Variants in MDGA2 observed in about 807,000 individuals in gnomAD.
The protein encoded by MDGA2 is MAM domain-containing glycosylphosphatidylinositol anchor protein 2.
Under a neutral mutation model 117.8 loss-of-function variants are expected in MDGA2, and 40 were observed. The observed-to-expected ratio is 0.34, with a 90% CI of 0.26 to 0.44. MDGA2 has a LOEUF of 0.44. Ranked by LOEUF, MDGA2 falls within the 20% of genes least tolerant of loss-of-function variation. The probability of loss-of-function intolerance (pLI) is 1.00; values close to 1 mark genes in which losing one functional copy is unlikely to be tolerated. For missense variants in MDGA2, 1,123 were observed against 1,250.6 expected (o/e 0.90, Z 1.54); for synonymous variants, 452 against 439.0 (o/e 1.03, Z -0.37).
At chr14:46,922,566 C>A (rs553969493) in intron 9 of MDGA2, among the ~76,000 whole-genome samples, 152 of 152,250 alleles carry the variant, frequency 1.0e-3, no homozygotes, top group African/African-American at 3.4e-3. Flanking sequence ...AGAATAAGGT[C>A]TTTCCAAATA....
At position 46,948,930 on chromosome 14, in the gene MDGA2, T is replaced by C. The variant is rs558218354; in HGVS notation, c.2089+8444A>G. On this transcript the variant is annotated intron_variant, in intron 9 of 16. Coordinates refer to ENST00000399232, the MANE Select transcript of MDGA2 (RefSeq NM_001113498.3). Reference sequence around the variant, plus strand: ...TCTCTGACATCAGTCATCCTCTCCATCTCTGCCTTTTTGGAGGGGCATTTT... The same window carrying C: ...TCTCTGACATCAGTCATCCTCTCCACCTCTGCCTTTTTGGAGGGGCATTTT... 5.9e-5 allele frequency among the ~76,000 whole-genome samples: 9 copies of C among 152,172 alleles called. No individual in the cohort carries two copies. The South Asian group carries it at 1.9e-3, about 32-fold the overall frequency.
At chr14:47,172,274 C>T (rs1034213920) in intron 3 of MDGA2, among the ~76,000 whole-genome samples, 5 of 152,094 alleles carry the variant, frequency 3.3e-5, no homozygotes, top group South Asian at 2.1e-4. Context: ...TGTCCCTGTC[C>T]GACAGCTTTG....
At chr14:47,290,831 T>C (rs925898768) in intron 2 of MDGA2, among the ~76,000 whole-genome samples, 5 of 151,736 alleles carry the variant, frequency 3.3e-5, no homozygotes, top group African/African-American at 1.2e-4. Flanking sequence ...GTGTGATTCC[T>C]CTGGTCATTG....
chr14:47,492,687 G>A (rs942013363), intron 1 of MDGA2, among the ~76,000 whole-genome samples: 1 of 151,996 alleles, frequency 6.6e-6, no homozygotes, highest in African/African-American at 2.4e-5. Flanking sequence ...TACTTTGACA[G>A]GACAGTTAAG....
At chr14:47,379,029 T>A (rs889286332) in intron 1 of MDGA2, among the ~76,000 whole-genome samples, 1 of 152,136 alleles carries the variant, frequency 6.6e-6, no homozygotes, top group African/African-American at 2.4e-5. Context: ...TGGCAGAAAC[T>A]CTACAAGCCA....
chr14:47,614,525 A>G (rs547065756), intron 1 of MDGA2, among the ~76,000 whole-genome samples: 2 of 152,324 alleles, frequency 1.3e-5, no homozygotes, highest in East Asian at 3.9e-4. Flanking sequence ...ACTCACAGAT[A>G]AATTATAGAT....
intron 1 of MDGA2, among the ~76,000 whole-genome samples, chr14:47,381,653 A>G (rs149095757): frequency 0.29 from 44,265 of 151,940 alleles, 6,782 homozygotes; most frequent in Middle Eastern, 0.41. Flanking sequence ...CCAACTTACA[A>G]GGGATGTAAA....
At chr14:47,256,654 G>A (rs1887630084) in intron 2 of MDGA2, among the ~76,000 whole-genome samples, 1 of 152,162 alleles carries the variant, frequency 6.6e-6, no homozygotes, top group Non-Finnish European at 1.5e-5. Flanking sequence ...TTACATAGTT[G>A]TGACTTTAAA....
intron 1 of MDGA2, among the ~76,000 whole-genome samples, chr14:47,537,313 G>A (rs1196135711): frequency 8.5e-6 from 1 of 117,126 alleles, no homozygotes; most frequent in East Asian, 2.7e-4. Context: ...TTGTCGGGTG[G>A]GGGGAGGGGG....
intron 3 of MDGA2, among the ~76,000 whole-genome samples, chr14:47,205,202 C>T (rs1885641983): frequency 6.6e-6 from 1 of 151,804 alleles, no homozygotes; most frequent in South Asian, 2.1e-4. Context: ...AGAAAAATAT[C>T]TCCCTCTCAC....
At chr14:47,019,528 A>G (rs1346276010) in intron 8 of MDGA2, among the ~76,000 whole-genome samples, 1 of 152,200 alleles carries the variant, frequency 6.6e-6, no homozygotes, top group Non-Finnish European at 1.5e-5. Context: ...GGAACAATCA[A>G]CATTTCAAGT....
In MDGA2 at chr14:47,019,291, G is replaced by A. The variant is rs1035630693; in HGVS notation, c.1819+15720C>T. 9.9e-5 allele frequency among the ~76,000 whole-genome samples: 15 copies of A among 152,098 alleles called. No individual in the cohort carries two copies. In the South Asian group the frequency reaches 1.0e-3, roughly 11 times the overall value. Reference sequence around the variant, plus strand: ...TCATCATAATTTTGACAAAATTAAAGGAATACGTAAGTACACAAAACAATA... The same window carrying A: ...TCATCATAATTTTGACAAAATTAAAAGAATACGTAAGTACACAAAACAATA... On this transcript the variant is annotated intron_variant, in intron 8 of 16. Coordinates refer to ENST00000399232, the MANE Select transcript of MDGA2 (RefSeq NM_001113498.3).
chr14:47,239,128 T>C (rs1886958851), intron 2 of MDGA2, among the ~76,000 whole-genome samples: 1 of 151,442 alleles, frequency 6.6e-6, no homozygotes, highest in African/African-American at 2.4e-5. Context: ...AAAGTTGTAT[T>C]GAGGGCCTAA....
At chr14:47,151,166 A>G (rs1193782071) in intron 3 of MDGA2, among the ~76,000 whole-genome samples, 3 of 152,188 alleles carry the variant, frequency 2.0e-5, no homozygotes, top group African/African-American at 7.2e-5. Context: ...TTAAAAAAAG[A>G]GGGATTAGGC....
chr14:47,637,538 G>A (rs532696382), intron 1 of MDGA2, among the ~76,000 whole-genome samples: 3 of 152,242 alleles, frequency 2.0e-5, no homozygotes, highest in East Asian at 3.9e-4. Context: ...ATATCCTGGT[G>A]AAACTTCAAG....
At chr14:47,279,785 A>T (rs1419846568) in intron 2 of MDGA2, among the ~76,000 whole-genome samples, 3 of 152,038 alleles carry the variant, frequency 2.0e-5, no homozygotes, top group Non-Finnish European at 4.4e-5. Flanking sequence ...TTTCTTTTTT[A>T]AAAAATTCAA....
chr14:47,320,795 C>G (rs941168104), intron 1 of MDGA2, among the ~76,000 whole-genome samples: 1 of 152,140 alleles, frequency 6.6e-6, no homozygotes, highest in Non-Finnish European at 1.5e-5. Context: ...ATAATCTCCT[C>G]TATTTTTCCT....
In MDGA2 at chr14:47,276,672, A is replaced by G. The variant is rs147305948; in HGVS notation, c.420+24739T>C. On this transcript the variant is annotated intron_variant, in intron 2 of 16. Transcript: ENST00000399232. ...ACAAATTGTAATTCTGTAATTGCCA[A>G]TGTCTCTGCCAATTAATACGTGATG... 4.8e-3 allele frequency among the ~76,000 whole-genome samples: 726 copies of G among 152,324 alleles called. 5 individuals carry two copies. Among genetic ancestry groups the G allele is most frequent in the Middle Eastern group, 0.037 (11 of 294 alleles).
intron 1 of MDGA2, among the ~76,000 whole-genome samples, chr14:47,337,624 TA>T (rs1335512158): frequency 7.9e-5 from 12 of 151,814 alleles, no homozygotes; most frequent in African/African-American, 2.9e-4. Context: ...AATAGAGCTG[TA>T]AAAATAAAAT....
Sources: allele counts gnomAD v4.1 joint callset (sites outside exome capture counted in the v4.1 genomes callset), GRCh38; gene constraint gnomAD v4.1.1; transcripts MANE v1.5; gene names NCBI Gene and HGNC (gene_info 2026-07-23, HGNC 2026-07-21).